The following ANKRD28 variants were observed in gnomAD, a reference collection of about 807,000 sequenced individuals.
ANKRD28 encodes the protein serine/threonine-protein phosphatase 6 regulatory ankyrin repeat subunit A.
A neutral mutation model predicts 126.5 loss-of-function variants in ANKRD28; 44 were observed. The observed-to-expected ratio is 0.35, with a 90% CI of 0.27 to 0.45. The LOEUF (loss-of-function observed/expected upper bound fraction) is 0.45, where lower values mean the gene tolerates loss of function less well. ANKRD28 is among the 20% of genes least tolerant of loss of function. ANKRD28 has a pLI of 1.00. For synonymous variants in ANKRD28, 442 were observed against 468.5 expected (o/e 0.94, Z 0.73); for missense variants, 1,110 against 1,316.6 (o/e 0.84, Z 2.43).
chr3:15,852,404 C>T (rs1440247683), intron 1 of ANKRD28, among the ~76,000 whole-genome samples: 6 of 152,020 alleles, frequency 3.9e-5, no homozygotes, highest in African/African-American at 1.4e-4. Context: ...TACTCAATTG[C>T]CTTTTTAAAG....
At chr3:15,712,100 T>C in intron 11 of ANKRD28, 40 bp downstream of exon 11, 1 of 1,499,534 alleles carries the variant, frequency 6.7e-7, no homozygotes, top group Non-Finnish European at 9.1e-7. Flanking sequence ...TTTTGAGGGG[T>C]TTGAGGAGAC....
intron 2 of ANKRD28, among the ~76,000 whole-genome samples, chr3:15,784,431 G>C (rs1575667932): frequency 1.3e-5 from 2 of 151,934 alleles, no homozygotes; most frequent in Admixed American, 1.3e-4. Flanking sequence ...CTGTCAAGTG[G>C]TATAGTGTTA....
chr3:15,703,480 A>C (rs1466689396), intron 14 of ANKRD28, among the ~76,000 whole-genome samples: 4 of 152,286 alleles, frequency 2.6e-5, no homozygotes, highest in South Asian at 2.1e-4. Flanking sequence ...TGTCCTTATA[A>C]ATAAGGCCCA....
intron 7 of ANKRD28, among the ~76,000 whole-genome samples, chr3:15,723,765 T>A (rs1162442261): frequency 6.6e-6 from 1 of 152,038 alleles, no homozygotes; most frequent in African/African-American, 2.4e-5. Flanking sequence ...AGACCCTGTT[T>A]AAAAAAATAA....
chr3:15,765,731 T>C (rs1421376132), intron 3 of ANKRD28, among the ~76,000 whole-genome samples: 1 of 151,658 alleles, frequency 6.6e-6, no homozygotes. Flanking sequence ...TCCCAGCTAC[T>C]CGGGAGGCTG....
At chr3:15,731,851 A>AAG (rs1347108244) in intron 6 of ANKRD28, 1 of 116,278 alleles carries the variant, frequency 8.6e-6, no homozygotes, top group African/African-American at 3.5e-5. Context: ...ACTGTCTCAA[A>AAG]AAAAAAAAAA....
chr3:15,710,931 A>C (rs1394187400), intron 12 of ANKRD28, among the ~76,000 whole-genome samples: 6 of 152,172 alleles, frequency 3.9e-5, no homozygotes, highest in African/African-American at 1.4e-4. Flanking sequence ...TACTTTTTAA[A>C]GAAATAGTTT....
intron 1 of ANKRD28, among the ~76,000 whole-genome samples, chr3:15,836,971 G>C (rs960015833): frequency 4.6e-5 from 7 of 151,822 alleles, no homozygotes; most frequent in Non-Finnish European, 8.8e-5. Flanking sequence ...ATGGTGGCGG[G>C]CGCCTGTAGT....
chr3:15,798,818 G>A (rs1328760951), upstream of ANKRD28, among the ~76,000 whole-genome samples: 1 of 151,930 alleles, frequency 6.6e-6, no homozygotes, highest in African/African-American at 2.4e-5. Flanking sequence ...TATTTCTCAA[G>A]AGAAAACTTA....
intron 8 of ANKRD28, among the ~76,000 whole-genome samples, chr3:15,720,529 A>G (rs2073604841): frequency 6.6e-6 from 1 of 152,246 alleles, no homozygotes; most frequent in Non-Finnish European, 1.5e-5. Context: ...ATGAAAGCAT[A>G]CAAATGAACC....
chr3:15,855,408 C>T (rs2061744143), intron 1 of ANKRD28, among the ~76,000 whole-genome samples: 1 of 152,070 alleles, frequency 6.6e-6, no homozygotes, highest in Non-Finnish European at 1.5e-5. Flanking sequence ...CATAAGGGAG[C>T]ACACAAAGAT....
intron 1 of ANKRD28, among the ~76,000 whole-genome samples, chr3:15,813,751 CAT>C (rs1372715366): frequency 6.6e-6 from 1 of 152,146 alleles, no homozygotes; most frequent in East Asian, 1.9e-4. Flanking sequence ...TTCATGAAAA[CAT>C]AGGAGTCACT....
At position 15,839,921 on chromosome 3, in the gene ANKRD28, T is replaced by C. The variant is rs1441451053; in HGVS notation, c.27+19456A>G. On this transcript the variant is annotated intron_variant, in intron 1 of 27. Coordinates refer to the ANKRD28 transcript ENST00000399451. The surrounding 1 kb of genome is among the most constrained non-coding windows in gnomAD (Gnocchi z 4.3). Reference sequence around the variant, plus strand: ...ATACCTCAACATAATGAAAGCCATATACCACAGACACATAGCTAGTATCAC... The same window carrying C: ...ATACCTCAACATAATGAAAGCCATACACCACAGACACATAGCTAGTATCAC... Among the ~76,000 whole-genome samples the C allele has an allele frequency of 6.6e-6, 1 of 152,200 alleles. No individual in the cohort carries two copies. The highest frequency in any genetic ancestry group is 1.5e-5 in the Non-Finnish European group (1 of 68,032).
chr3:15,694,170 T>G (rs1455724197), intron 17 of ANKRD28, among the ~76,000 whole-genome samples: 1 of 151,994 alleles, frequency 6.6e-6, no homozygotes, highest in East Asian at 1.9e-4. Flanking sequence ...ACTTAAAAAA[T>G]TGTCACATTC....
intron 14 of ANKRD28, 92 bp downstream of exon 14, chr3:15,707,832 G>T: frequency 6.9e-7 from 1 of 1,450,760 alleles, no homozygotes; most frequent in Non-Finnish European, 9.3e-7. Flanking sequence ...AAAATACAAA[G>T]AGGAAACACA....
At chr3:15,844,915 T>C (rs1222267338) in intron 1 of ANKRD28, among the ~76,000 whole-genome samples, 1 of 152,170 alleles carries the variant, frequency 6.6e-6, no homozygotes, top group Non-Finnish European at 1.5e-5. Context: ...TGGCAGGTTG[T>C]ATAGGAAGCA....
At chr3:15,779,655 A>G (rs959105723) in intron 2 of ANKRD28, among the ~76,000 whole-genome samples, 2 of 152,196 alleles carry the variant, frequency 1.3e-5, no homozygotes, top group African/African-American at 4.8e-5. Context: ...TTAACTACTT[A>G]ATCTTTAAGA....
In ANKRD28 at chr3:15,669,403, T is replaced by C. The variant is rs1284543619; in HGVS notation, c.*867A>G. 1.3e-5 allele frequency: 2 copies of C among 152,128 alleles called. No individual in the cohort carries two copies. The highest frequency in any genetic ancestry group is 3.8e-4 in the East Asian group (2 of 5,196). The allele number at this position is 152,128 out of a possible 1,614,324, so 9.4% of individuals were successfully genotyped here. On this transcript the variant is annotated 3_prime_UTR_variant, in exon 28 of 28. Transcript: ENST00000683139. ...ATAGTCTACTTTTTGATTTCATGAA[T>C]TTTTTTCTAGGAAATTCTTTACATT...
intron 27 of ANKRD28, among the ~76,000 whole-genome samples, chr3:15,670,961 A>C (rs2066276302): frequency 6.6e-6 from 1 of 152,234 alleles, no homozygotes; most frequent in Non-Finnish European, 1.5e-5. Context: ...AGAAAAAATA[A>C]AAAAATTTAA....
Sources: gnomAD v4.1 joint callset for allele counts (sites outside exome capture counted in the v4.1 genomes callset) on GRCh38, gnomAD v4.1.1 for gene constraint, Gnocchi (gnomAD v3.1) non-coding constraint, MANE v1.5 for transcripts, NCBI Gene and HGNC (gene_info 2026-07-23, HGNC 2026-07-21) for gene names.